WDR44: variants seen among roughly 807,000 people sequenced by gnomAD.
WDR44 encodes WD repeat-containing protein 44.
Under a neutral mutation model 65.7 loss-of-function variants are expected in WDR44, and 9 were observed. That is an observed-to-expected ratio of 0.14 (90% CI 0.08 to 0.24). WDR44 has a LOEUF of 0.24. Ranked by LOEUF, WDR44 falls within the 10% of genes least tolerant of loss-of-function variation. The pLI is 1.00. For synonymous variants in WDR44, 220 were observed against 235.2 expected (o/e 0.94, Z 0.59); for missense variants, 425 against 670.9 (o/e 0.63, Z 4.05).
intron 3 of WDR44, among the ~76,000 whole-genome samples, chrX:118,389,174 A>C (rs2056796546): frequency 1.8e-5 from 2 of 112,204 alleles, no homozygotes; most frequent in African/African-American, 6.5e-5. Context: ...TTTCAGTTGA[A>C]TTAAGTATGA....
chrX:118,383,627 G>GTTAT (rs947275214), intron 2 of WDR44, among the ~76,000 whole-genome samples: 1 of 109,781 alleles, frequency 9.1e-6, no homozygotes, highest in East Asian at 2.8e-4. Flanking sequence ...TGCATTAACT[G>GTTAT]TTATTTATTT....
chrX:118,446,931 A>G (rs2057351056), intron 19 of WDR44: 1 of 199,450 alleles, frequency 5.0e-6, no homozygotes, highest in Admixed American at 5.8e-5. Flanking sequence ...GTGCAGTGGT[A>G]CAATCATAGC....
Position 118,377,445 on chromosome X carries a change from T to C in WDR44, c.78-974T>C, listed in dbSNP as rs762231634. The stretch of plus-strand genomic sequence containing the variant: ...TAAATGTCTAATACATATGAAAATT[T>C]TCATCCACACTGGAAATCAAAGTAC... On this transcript the variant is annotated intron_variant, in intron 1 of 19. Coordinates refer to ENST00000254029, the MANE Select transcript of WDR44 (RefSeq NM_019045.5). Among the ~76,000 whole-genome samples the C allele has an allele frequency of 5.4e-5, 6 of 111,584 alleles. No homozygotes were observed. The South Asian group carries it at 2.2e-3, about 42-fold the overall frequency.
At chrX:118,437,835 A>G in intron 14 of WDR44, among the ~76,000 whole-genome samples, 1 of 110,578 alleles carries the variant, frequency 9.0e-6, no homozygotes, top group South Asian at 3.8e-4. Flanking sequence ...CAAGAGATCA[A>G]GACCAACCTG....
intron 10 of WDR44, among the ~76,000 whole-genome samples, chrX:118,408,606 C>T (rs1414993827): frequency 9.0e-6 from 1 of 111,209 alleles, no homozygotes; most frequent in African/African-American, 3.3e-5. Flanking sequence ...GCCATGTTGC[C>T]CAGGCTAGTC....
chrX:118,394,422 G>A lies in WDR44; in HGVS notation c.957+237G>A, dbSNP rs1257126461. Among the ~76,000 whole-genome samples the A allele has an allele frequency of 5.4e-5, 6 of 111,324 alleles. No individual in the cohort carries two copies. In the Admixed American group the frequency reaches 5.8e-4, roughly 11 times the overall value. On this transcript the variant is annotated intron_variant, in intron 5 of 19. Coordinates refer to ENST00000254029, the MANE Select transcript of WDR44 (RefSeq NM_019045.5). ...ATGGAGGAAAAGTCCTTCCTTGAGG[G>A]TTTGAAATGAGCTAAAATATGCCAA...
Position 118,394,144 on chromosome X carries a change from T to C in WDR44, c.916T>C (p.Leu306=). The C allele has an allele frequency of 8.3e-7, 1 of 1,211,267 alleles. No homozygotes were observed. Among genetic ancestry groups the C allele is most frequent in the East Asian group, 3.0e-5 (1 of 33,840 alleles). ...TVKDSQPSLD[L]ASATSGDKIV... ...TAAGGATTCTCAGCCTTCTCTTGAT[T>C]TGGCAAGTGCTACCAGTGGAGATAA... The change falls in exon 5 of 20, where the codon TTG becomes CTG. Residue 306 remains leucine, a synonymous_variant. Transcript: ENST00000254029.
intron 1 of WDR44, among the ~76,000 whole-genome samples, chrX:118,364,385 C>T (rs1193632254): frequency 3.6e-5 from 4 of 112,328 alleles, no homozygotes; most frequent in African/African-American, 6.5e-5. Context: ...AATATGTCCT[C>T]TTCTCCCACT....
chrX:118,435,705 G>C (rs1349276135), intron 13 of WDR44, among the ~76,000 whole-genome samples: 1 of 112,591 alleles, frequency 8.9e-6, no homozygotes, highest in Non-Finnish European at 1.9e-5. Context: ...AACTTTTCTG[G>C]AACTGAGTGG....
In WDR44 at chrX:118,428,296, G is replaced by GTAA. The variant is rs1332253997; in HGVS notation, c.1738-4471_1738-4469dup. 8.3e-5 allele frequency among the ~76,000 whole-genome samples: 9 copies of GTAA among 108,715 alleles called. No homozygotes were observed. The South Asian group carries it at 1.7e-3, about 20-fold the overall frequency. The allele number at this position is 108,715 out of a possible 115,157, so 94.4% of individuals were successfully genotyped here. On this transcript the variant is annotated intron_variant, in intron 12 of 19. Coordinates refer to ENST00000254029, the MANE Select transcript of WDR44 (RefSeq NM_019045.5). ...GAGCAAGACTCCATCTCAAAAAATAGTAATAATAATAATAATGATTATTTT... is the reference window on the plus strand; with the variant it reads ...GAGCAAGACTCCATCTCAAAAAATAGTAATAATAATAATAATAATGATTATTTT...
chrX:118,437,470 A>C (rs1232476203), intron 14 of WDR44, among the ~76,000 whole-genome samples: 1 of 111,876 alleles, frequency 8.9e-6, no homozygotes, highest in Non-Finnish European at 1.9e-5. Flanking sequence ...AAGGGAAATC[A>C]CATGTTGGTG....
At chrX:118,372,416 A>G (rs997431206) in intron 1 of WDR44, among the ~76,000 whole-genome samples, 2 of 111,720 alleles carry the variant, frequency 1.8e-5, no homozygotes, top group East Asian at 5.6e-4. Context: ...TACTGTTACT[A>G]TCTCTACTTT....
At chrX:118,448,839 C>A in intron 19 of WDR44, 54 bp from the exon 20 acceptor site, 2 of 855,806 alleles carry the variant, frequency 2.3e-6, no homozygotes, top group Non-Finnish European at 3.3e-6. Flanking sequence ...ATTGTGGCAG[C>A]AGGCTTCATA....
At position 118,420,512 on chromosome X, in the gene WDR44, C is replaced by G. The variant is rs183525941; in HGVS notation, c.1737+9553C>G. Among the ~76,000 whole-genome samples the G allele has an allele frequency of 3.2e-3, 353 of 111,800 alleles. 1 individual carries two copies. Among genetic ancestry groups the G allele is most frequent in the Non-Finnish European group, 5.5e-3 (293 of 53,118 alleles). On this transcript the variant is annotated intron_variant, in intron 12 of 19. Transcript: ENST00000254029. ...AAGTGATCCTCCCACCTCGGCCCCC[C>G]AAAGTGCTGGGATTACAGGCGTGAG...
intron 2 of WDR44, among the ~76,000 whole-genome samples, chrX:118,378,884 A>AAAC (rs397962063): frequency 9.6e-6 from 1 of 104,663 alleles, no homozygotes; most frequent in Non-Finnish European, 1.9e-5. Flanking sequence ...AAAAAAAAAA[A>AAAC]CACACAAAAA....
At chrX:118,407,623 G>C (rs1419362603) in intron 10 of WDR44, among the ~76,000 whole-genome samples, 1 of 112,222 alleles carries the variant, frequency 8.9e-6, no homozygotes, top group Non-Finnish European at 1.9e-5. Context: ...GTGTAACTTT[G>C]AAAAATGTTT....
At chrX:118,412,873 AG>A (rs1382138048) in intron 12 of WDR44, among the ~76,000 whole-genome samples, 1 of 111,522 alleles carries the variant, frequency 9.0e-6, no homozygotes, top group Non-Finnish European at 1.9e-5. Context: ...AAGTCCCCAA[AG>A]TCCATTGTAT....
At chrX:118,404,577 A>G (rs2056946717) in intron 9 of WDR44, 133 bp downstream of exon 9, 3 of 436,392 alleles carry the variant, frequency 6.9e-6, no homozygotes, top group Non-Finnish European at 1.1e-5. Context: ...ATTTCAATAA[A>G]TAAGGTACTC....
intron 8 of WDR44, among the ~76,000 whole-genome samples, chrX:118,401,875 A>T (rs767334397): frequency 7.6e-4 from 84 of 110,124 alleles, no homozygotes; most frequent in Non-Finnish European, 1.4e-3. Context: ...ATCCAGTTTC[A>T]GCTTTCTACA....
Sources: gnomAD v4.1 joint callset for allele counts (sites outside exome capture counted in the v4.1 genomes callset) on GRCh38, gnomAD v4.1.1 for gene constraint, MANE v1.5 for transcripts, NCBI Gene and HGNC (gene_info 2026-07-23, HGNC 2026-07-21) for gene names.